Variants in ATP13A5 observed in about 807,000 individuals in gnomAD.
ATP13A5 encodes the protein ATPase 13A5, also known as probable cation-transporting ATPase 13A5.
Under a neutral mutation model 150.2 loss-of-function variants are expected in ATP13A5, and 149 were observed. The observed-to-expected ratio is 0.99, with a 90% CI of 0.87 to 1.14. ATP13A5 has a LOEUF of 1.14. Ranked by LOEUF, ATP13A5 falls within the 50% of genes most tolerant of loss-of-function variation. ATP13A5 has a pLI of 0.00. For synonymous variants in ATP13A5, 497 were observed against 522.2 expected (o/e 0.95, Z 0.66); for missense variants, 1,383 against 1,449.3 (o/e 0.95, Z 0.74).
Position 193,344,957 on chromosome 3 carries a change from C to A in ATP13A5, c.814+46G>T, listed in dbSNP as rs868251407. 6.6e-6 allele frequency: 10 copies of A among 1,504,966 alleles called. No individual in the cohort carries two copies. In the East Asian group the frequency reaches 2.3e-4, roughly 34 times the overall value. 93.2% of individuals were successfully genotyped at this position (1,504,966 alleles called of 1,614,324 possible). ...ATTAAGGACAAATGAGACCAATTCC[C>A]CCCTGAAATATTAAGATGCTGAAGA... On this transcript the variant is annotated intron_variant, in intron 8 of 29. Transcript: ENST00000342358.
At chr3:193,357,039 C>T (rs1577369099) in intron 5 of ATP13A5, among the ~76,000 whole-genome samples, 1 of 152,136 alleles carries the variant, frequency 6.6e-6, no homozygotes. Flanking sequence ...TGGTCTCAAA[C>T]CCCTGACCTC....
chr3:193,327,343 C>T (rs12490105), intron 12 of ATP13A5, among the ~76,000 whole-genome samples: 78,160 of 151,986 alleles, frequency 0.51, 22,439 homozygotes, highest in Non-Finnish European at 0.65. Flanking sequence ...TTGCTATGAC[C>T]GTTGCTGTTG....
intron 7 of ATP13A5, among the ~76,000 whole-genome samples, chr3:193,345,710 A>G (rs192174656): frequency 8.4e-4 from 128 of 152,284 alleles, no homozygotes; most frequent in Non-Finnish European, 7.9e-4. Context: ...CTATTAAGTT[A>G]GGTTAAGGTT....
At chr3:193,362,958 C>T (rs999256067) in intron 3 of ATP13A5, among the ~76,000 whole-genome samples, 3 of 152,002 alleles carry the variant, frequency 2.0e-5, no homozygotes, top group African/African-American at 7.3e-5. Context: ...CCACACTCAG[C>T]TCATTTTTTG....
intron 29 of ATP13A5, among the ~76,000 whole-genome samples, chr3:193,276,303 C>T (rs922773048): frequency 1.3e-5 from 2 of 152,046 alleles, no homozygotes; most frequent in Admixed American, 6.5e-5. Flanking sequence ...AAAGAAACAC[C>T]GTAAGAGGAA....
intron 23 of ATP13A5, among the ~76,000 whole-genome samples, chr3:193,303,902 C>CAT (rs992443152): frequency 6.9e-6 from 1 of 145,820 alleles, no homozygotes; most frequent in Non-Finnish European, 1.5e-5. Flanking sequence ...CATACACATA[C>CAT]ACACACACAC....
At chr3:193,368,392 T>TTGTGTG (rs1286543236) in intron 1 of ATP13A5, among the ~76,000 whole-genome samples, 9,293 of 147,288 alleles carry the variant, frequency 0.063, 456 homozygotes, top group African/African-American at 0.14. Context: ...CTCTTCAGAC[T>TTGTGTG]TGTGTGTGTG....
At chr3:193,308,466 A>C (rs1263808261) in intron 21 of ATP13A5, among the ~76,000 whole-genome samples, 2 of 152,142 alleles carry the variant, frequency 1.3e-5, no homozygotes, top group African/African-American at 4.8e-5. Context: ...CTCAAAAACA[A>C]AAAAAAGTCA....
intron 9 of ATP13A5, among the ~76,000 whole-genome samples, chr3:193,337,642 T>C (rs894996894): frequency 6.6e-6 from 1 of 152,242 alleles, no homozygotes; most frequent in Non-Finnish European, 1.5e-5. Flanking sequence ...AGCCTTGTAG[T>C]ATAGTTTGAA....
At chr3:193,320,782 A>C (rs1465930977) in intron 16 of ATP13A5, among the ~76,000 whole-genome samples, 1 of 152,260 alleles carries the variant, frequency 6.6e-6, no homozygotes, top group Non-Finnish European at 1.5e-5. Context: ...AAATGAACTC[A>C]TTTGAATGCA....
chr3:193,321,888 C>G, intron 15 of ATP13A5, 51 bp from the exon 16 acceptor site: 1 of 1,590,770 alleles, frequency 6.3e-7, no homozygotes, highest in Non-Finnish European at 8.6e-7. Flanking sequence ...AGTGATATTT[C>G]CAAATGCATA....
intron 9 of ATP13A5, among the ~76,000 whole-genome samples, chr3:193,338,521 A>G (rs1287621595): frequency 6.6e-6 from 1 of 152,198 alleles, no homozygotes; most frequent in African/African-American, 2.4e-5. Context: ...TTCTGTTTAT[A>G]TGCTGGATTA....
chr3:193,296,716 C>A (rs1718186393), intron 25 of ATP13A5, among the ~76,000 whole-genome samples: 1 of 151,990 alleles, frequency 6.6e-6, no homozygotes, highest in African/African-American at 2.4e-5. Context: ...TCTTCTAATT[C>A]TGTGAAGAAT....
At chr3:193,279,520 G>C (rs1717384632) in intron 27 of ATP13A5, 66 bp from the exon 28 acceptor site, 1 of 1,303,056 alleles carries the variant, frequency 7.7e-7, no homozygotes, top group East Asian at 2.3e-5. Flanking sequence ...GGCACACATT[G>C]CAGAATCAAT....
At chr3:193,278,273 C>G (rs534949131) in intron 28 of ATP13A5, among the ~76,000 whole-genome samples, 114 of 152,352 alleles carry the variant, frequency 7.5e-4, no homozygotes, top group African/African-American at 2.7e-3. Flanking sequence ...TGTCTCTCCT[C>G]TCACATGTAG....
chr3:193,354,816 T>G (rs1292813669), intron 5 of ATP13A5, among the ~76,000 whole-genome samples: 1 of 151,992 alleles, frequency 6.6e-6, no homozygotes, highest in African/African-American at 2.4e-5. Flanking sequence ...TTACAAAGAT[T>G]CATTTGATCC....
intron 26 of ATP13A5, among the ~76,000 whole-genome samples, chr3:193,289,316 A>T (rs1188444458): frequency 6.6e-6 from 1 of 152,164 alleles, no homozygotes; most frequent in Non-Finnish European, 1.5e-5. Flanking sequence ...CAGAACAAGG[A>T]TACCATCAAT....
At chr3:193,335,246 C>T in intron 9 of ATP13A5, 147 bp from the exon 10 acceptor site, 1 of 673,762 alleles carries the variant, frequency 1.5e-6, no homozygotes, top group South Asian at 2.1e-5. Context: ...CATAGAGATG[C>T]TGGTGGTACA....
At chr3:193,363,191 T>A (rs1313538546) in intron 3 of ATP13A5, 45 bp downstream of exon 3, 1 of 1,558,878 alleles carries the variant, frequency 6.4e-7, no homozygotes, top group Non-Finnish European at 8.7e-7. Flanking sequence ...TATTTTATGC[T>A]TTCTCTGTAA....
Sources: gnomAD v4.1 joint callset for allele counts (sites outside exome capture counted in the v4.1 genomes callset) on GRCh38, gnomAD v4.1.1 for gene constraint, MANE v1.5 for transcripts, NCBI Gene and HGNC (gene_info 2026-07-23, HGNC 2026-07-21) for gene names.